Variants in RPS6KC1 observed in about 807,000 individuals in gnomAD.
RPS6KC1 encodes inactive ribosomal protein S6 kinase delta-1.
RPS6KC1 carries 54 observed loss-of-function variants against 103.8 expected under a neutral mutation model. That is an observed-to-expected ratio of 0.52 (90% confidence interval 0.42 to 0.65). RPS6KC1 has a LOEUF of 0.65. RPS6KC1 is among the 30% of genes least tolerant of loss of function. The pLI is 0.00. For synonymous variants in RPS6KC1, 439 were observed against 438.7 expected (o/e 1.00, Z -0.01); for missense variants, 1,151 against 1,253.8 (o/e 0.92, Z 1.24).
chr1:213,290,040 AAGGCTGAGGCAGG>A, the RPS6KC1 span, among the ~76,000 whole-genome samples: 20 of 151,418 alleles, frequency 1.3e-4, no homozygotes, highest in African/African-American at 4.6e-4. Context: ...CTCAGTCTCC[AAGGCTGAGGCAGG>A]AGAATGGTGT....
At chr1:213,445,726 T>C in the RPS6KC1 span, among the ~76,000 whole-genome samples, 1 of 152,316 alleles carries the variant, frequency 6.6e-6, no homozygotes, top group East Asian at 1.9e-4. Context: ...ACCCTCGTTA[T>C]TGTGGCCCAC....
the RPS6KC1 span, among the ~76,000 whole-genome samples, chr1:213,363,619 TTGCTTG>T: frequency 3.8e-4 from 33 of 87,200 alleles, no homozygotes; most frequent in South Asian, 2.0e-3. Flanking sequence ...GCTTGCTTGC[TTGCTTG>T]CTTTCTTTCT....
chr1:213,567,402 C>G, the RPS6KC1 span, among the ~76,000 whole-genome samples: 2 of 152,294 alleles, frequency 1.3e-5, no homozygotes, highest in East Asian at 3.9e-4. Flanking sequence ...TCCATGTGGA[C>G]ACTTACACTT....
chr1:213,775,611 A>G, the RPS6KC1 span, among the ~76,000 whole-genome samples: 5 of 152,212 alleles, frequency 3.3e-5, no homozygotes, highest in African/African-American at 1.2e-4. Flanking sequence ...TCAGCACATC[A>G]TAATCTTTTT....
the RPS6KC1 span, among the ~76,000 whole-genome samples, chr1:213,662,266 C>G: frequency 6.6e-6 from 1 of 151,350 alleles, no homozygotes; most frequent in South Asian, 2.1e-4. Context: ...CCAGAGTAAA[C>G]TTTTCTTTTC....
chr1:213,693,968 G>C, the RPS6KC1 span, among the ~76,000 whole-genome samples: 1 of 152,204 alleles, frequency 6.6e-6, no homozygotes, highest in Non-Finnish European at 1.5e-5. Flanking sequence ...CCTGGCCCTC[G>C]GTTCAATGGC....
chr1:213,436,396 C>T, the RPS6KC1 span, among the ~76,000 whole-genome samples: 1 of 152,118 alleles, frequency 6.6e-6, no homozygotes, highest in African/African-American at 2.4e-5. Flanking sequence ...ATTTATTTTA[C>T]AAAAAGTACC....
the RPS6KC1 span, among the ~76,000 whole-genome samples, chr1:213,303,729 G>C: frequency 1.3e-5 from 2 of 152,162 alleles, no homozygotes; most frequent in East Asian, 3.9e-4. Context: ...GCCAACTTGA[G>C]GATAGCTCTA....
At chr1:213,657,294 A>C in the RPS6KC1 span, among the ~76,000 whole-genome samples, 2 of 152,178 alleles carry the variant, frequency 1.3e-5, no homozygotes, top group African/African-American at 4.8e-5. Context: ...TAGTGAATGA[A>C]AAAGAGATTG....
intron 8 of RPS6KC1, among the ~76,000 whole-genome samples, chr1:213,195,522 C>A (rs1172114158): frequency 3.9e-5 from 6 of 152,086 alleles, no homozygotes; most frequent in Non-Finnish European, 2.9e-5. Context: ...TGAATAAGTT[C>A]TTTAGTGGTG....
intron 8 of RPS6KC1, among the ~76,000 whole-genome samples, chr1:213,193,140 A>G (rs2092811719): frequency 6.6e-6 from 1 of 151,824 alleles, no homozygotes; most frequent in South Asian, 2.1e-4. Context: ...CTTGAAAATG[A>G]TCCACGTGCT....
intron 14 of RPS6KC1, among the ~76,000 whole-genome samples, chr1:213,271,656 C>T (rs963152123): frequency 6.7e-5 from 10 of 148,570 alleles, no homozygotes; most frequent in Non-Finnish European, 1.5e-4. Flanking sequence ...CCCAGCTACA[C>T]GGGAGGCTGA....
the RPS6KC1 span, among the ~76,000 whole-genome samples, chr1:213,303,057 T>A: frequency 1.6e-4 from 24 of 152,186 alleles, no homozygotes; most frequent in African/African-American, 5.8e-4. Context: ...AGCACTCGAC[T>A]GTATGTATGC....
chr1:213,445,666 G>A, the RPS6KC1 span, among the ~76,000 whole-genome samples: 2 of 152,132 alleles, frequency 1.3e-5, no homozygotes, highest in African/African-American at 4.8e-5. Context: ...TGCTTTACTG[G>A]GAAAACAAAA....
At chr1:213,650,536 C>G in the RPS6KC1 span, among the ~76,000 whole-genome samples, 1 of 152,298 alleles carries the variant, frequency 6.6e-6, no homozygotes, top group Non-Finnish European at 1.5e-5. Context: ...AGCCTCTCAC[C>G]TTTCAGCATT....
chr1:213,716,068 A>T, the RPS6KC1 span, among the ~76,000 whole-genome samples: 1,238 of 152,302 alleles, frequency 8.1e-3, 19 homozygotes, highest in African/African-American at 0.028. Flanking sequence ...AGTTTGGGAA[A>T]TGCTTATTTT....
At chr1:213,586,763 A>G in the RPS6KC1 span, among the ~76,000 whole-genome samples, 2 of 152,146 alleles carry the variant, frequency 1.3e-5, no homozygotes, top group Non-Finnish European at 2.9e-5. Flanking sequence ...TTTGGTGCTA[A>G]GTGACAGGCA....
chr1:213,430,883 A>G, the RPS6KC1 span, among the ~76,000 whole-genome samples: 2 of 152,378 alleles, frequency 1.3e-5, no homozygotes, highest in African/African-American at 4.8e-5. Context: ...CTCATAAGGG[A>G]TAATATTTCA....
the RPS6KC1 span, among the ~76,000 whole-genome samples, chr1:213,478,791 G>A: frequency 6.6e-6 from 1 of 152,006 alleles, no homozygotes; most frequent in Non-Finnish European, 1.5e-5. Context: ...CTTCTAGTCT[G>A]CAGCAGATTT....
Sources: allele counts gnomAD v4.1 joint callset (sites outside exome capture counted in the v4.1 genomes callset), GRCh38; gene constraint gnomAD v4.1.1; transcripts MANE v1.5; gene names NCBI Gene and HGNC (gene_info 2026-07-23, HGNC 2026-07-21).